The following EBF2 variants were observed in gnomAD, a reference collection of about 807,000 sequenced individuals.
EBF2 encodes transcription factor COE2.
EBF2 carries 21 observed loss-of-function variants against 72.8 expected under a neutral mutation model. The observed-to-expected ratio is 0.29, with a 90% CI of 0.20 to 0.42. The LOEUF (loss-of-function observed/expected upper bound fraction) is 0.42. EBF2 is among the 10% of genes least tolerant of loss of function. The probability of loss-of-function intolerance (pLI) is 1.00; values close to 1 mark genes in which losing one functional copy is unlikely to be tolerated. For synonymous variants in EBF2, 299 were observed against 274.2 expected (o/e 1.09, Z -0.89); for missense variants, 637 against 731.2 (o/e 0.87, Z 1.49).
chr8:25,946,011 G>A (rs953176944), intron 6 of EBF2, among the ~76,000 whole-genome samples: 5 of 152,126 alleles, frequency 3.3e-5, no homozygotes, highest in African/African-American at 4.8e-5. Context: ...TCTGCCTGTC[G>A]GAGCAACAGG....
intron 15 of EBF2, among the ~76,000 whole-genome samples, chr8:25,846,120 A>G (rs1362645598): frequency 1.3e-5 from 2 of 152,230 alleles, no homozygotes; most frequent in African/African-American, 2.4e-5. Flanking sequence ...CTGTATTACT[A>G]TATATTGAAT....
Position 26,044,583 on chromosome 8 carries a change from G to T in EBF2, c.131+146C>A, listed in dbSNP as rs1563218330. On this transcript the variant is annotated intron_variant, in intron 1 of 15. Coordinates refer to ENST00000520164, the MANE Select transcript of EBF2 (RefSeq NM_022659.4). The surrounding 1 kb of genome is among the most constrained non-coding windows in gnomAD (Gnocchi z 4.1). Reference sequence around the variant, plus strand: ...CCTGACTGCAGCGATCTGCTTGCCCGAGGGCGAGCCCCAGCGCGCAGGGCC... The same window carrying T: ...CCTGACTGCAGCGATCTGCTTGCCCTAGGGCGAGCCCCAGCGCGCAGGGCC... 5.7e-6 allele frequency: 7 copies of T among 1,238,670 alleles called. No individual in the cohort carries two copies. The highest frequency in any genetic ancestry group is 7.8e-6 in the Non-Finnish European group (7 of 896,568). The allele number at this position is 1,238,670 out of a possible 1,614,324, so 76.7% of individuals were successfully genotyped here. A position where few individuals can be genotyped will look rare whatever the true frequency, so the allele number is the denominator to read the frequency against.
At chr8:25,973,917 A>T (rs752513747) in intron 6 of EBF2, among the ~76,000 whole-genome samples, 4 of 152,070 alleles carry the variant, frequency 2.6e-5, no homozygotes, top group Admixed American at 6.5e-5. Flanking sequence ...GGAGCAAGCA[A>T]TTCACCCACC....
chr8:26,044,996 A>AT lies in EBF2; in HGVS notation c.-138_-137insA. 3.3e-6 allele frequency: 3 copies of AT among 901,476 alleles called. No homozygotes were observed. Among genetic ancestry groups the AT allele is most frequent in the Non-Finnish European group, 4.9e-6 (3 of 614,884 alleles). The allele number at this position is 901,476 out of a possible 1,614,324, so 55.8% of individuals were successfully genotyped here. Reference sequence around the variant, plus strand: ...GATCAAGTGCCCAAGTTTGAGTCTTAGAAAAAAAAAAAAGATAACCCGTCC... The same window carrying AT: ...GATCAAGTGCCCAAGTTTGAGTCTTATGAAAAAAAAAAAAGATAACCCGTCC... On this transcript the variant is annotated 5_prime_UTR_variant, in exon 1 of 16. Transcript: ENST00000520164. This position sits in a 1 kb window ranked among gnomAD's most constrained non-coding sequence, Gnocchi z 4.1.
At chr8:25,983,023 G>T (rs551290782) in intron 6 of EBF2, among the ~76,000 whole-genome samples, 31 of 152,158 alleles carry the variant, frequency 2.0e-4, no homozygotes, top group African/African-American at 7.5e-4. Flanking sequence ...GCGGTCCAAT[G>T]ACTTTCTACA....
rs1191920515 is a variant in EBF2 at position 25,934,221 on chromosome 8, GCATACACACACACACACACACACACA to G, written c.552-25692_552-25667del. Among the ~76,000 whole-genome samples, 3 of 108,192 alleles carry G rather than the reference GCATACACACACACACACACACACACA, an allele frequency of 2.8e-5. No homozygotes were observed. In the East Asian group the frequency reaches 8.4e-4, roughly 30 times the overall value. 71.0% of individuals were successfully genotyped at this position (108,192 alleles called of 152,430 possible). ...CTGCTGCTTATTGTTGACTTCATGT[GCATACACACACACACACACACACACA>G]CACACACACACACACACACACACAC... is the stretch of plus-strand genomic sequence containing the variant. On this transcript the variant is annotated intron_variant, in intron 6 of 15. Transcript: ENST00000520164.
chr8:25,952,329 C>T (rs12549386), intron 6 of EBF2, among the ~76,000 whole-genome samples: 37,880 of 151,920 alleles, frequency 0.25, 5,822 homozygotes, highest in East Asian at 0.81. Flanking sequence ...TAATTATTTA[C>T]ACATTTTTAT....
chr8:25,846,966 G>C (rs1194863643), intron 15 of EBF2, among the ~76,000 whole-genome samples: 1 of 152,082 alleles, frequency 6.6e-6, no homozygotes, highest in Non-Finnish European at 1.5e-5. Flanking sequence ...GGGGGTAGGG[G>C]GTATAGGGTA....
At chr8:25,872,352 G>A (rs539651594) in intron 10 of EBF2, among the ~76,000 whole-genome samples, 116 of 152,284 alleles carry the variant, frequency 7.6e-4, no homozygotes, top group Middle Eastern at 3.4e-3. Context: ...GCCACTCTGG[G>A]GATGTTGGCG....
intron 6 of EBF2, among the ~76,000 whole-genome samples, chr8:26,001,782 C>T (rs1804730114): frequency 6.6e-6 from 1 of 152,084 alleles, no homozygotes; most frequent in Non-Finnish European, 1.5e-5. Flanking sequence ...CTCCTGACCT[C>T]AAGTGATCTG....
chr8:26,029,908 C>A (rs1179420850), intron 6 of EBF2, among the ~76,000 whole-genome samples: 1 of 152,110 alleles, frequency 6.6e-6, no homozygotes, highest in Non-Finnish European at 1.5e-5. Context: ...TGACTTTATG[C>A]CCTTTTTTTT....
At chr8:26,041,332 T>A (rs1805596138) in intron 2 of EBF2, 2 of 373,992 alleles carry the variant, frequency 5.3e-6, no homozygotes, top group African/African-American at 4.1e-5. Flanking sequence ...TCGGGCTCTG[T>A]CTGTCCTTAG....
At chr8:25,952,128 A>C (rs1436303798) in intron 6 of EBF2, among the ~76,000 whole-genome samples, 1 of 152,098 alleles carries the variant, frequency 6.6e-6, no homozygotes, top group Non-Finnish European at 1.5e-5. Context: ...CCGTGTATCT[A>C]CAAAAAAAAA....
chr8:25,934,324 C>T (rs374678396), intron 6 of EBF2, among the ~76,000 whole-genome samples: 1 of 151,832 alleles, frequency 6.6e-6, no homozygotes. Context: ...GTCAGCAATA[C>T]TTCAGGCCTT....
intron 6 of EBF2, among the ~76,000 whole-genome samples, chr8:26,021,954 G>A (rs1329261997): frequency 6.6e-6 from 1 of 152,210 alleles, no homozygotes; most frequent in Non-Finnish European, 1.5e-5. Flanking sequence ...TCTGAAGTGA[G>A]AGAATACTTT....
intron 6 of EBF2, among the ~76,000 whole-genome samples, chr8:25,909,406 T>TA (rs5890265): frequency 0.14 from 20,334 of 147,292 alleles, 1,490 homozygotes; most frequent in African/African-American, 0.21. Flanking sequence ...TCCTTTCCCT[T>TA]AAAAAAAAAA....
chr8:25,851,626 A>G (rs989283853), intron 14 of EBF2, among the ~76,000 whole-genome samples: 14 of 152,210 alleles, frequency 9.2e-5, no homozygotes, highest in African/African-American at 3.4e-4. Context: ...ACTCTTAAAT[A>G]TAGCACCTTA....
intron 6 of EBF2, among the ~76,000 whole-genome samples, chr8:26,027,214 G>A (rs923434968): frequency 1.3e-5 from 2 of 152,100 alleles, no homozygotes; most frequent in African/African-American, 4.8e-5. Context: ...CCCACAAATC[G>A]CACTTCACTG....
At chr8:25,895,055 T>C (rs935975884) in intron 7 of EBF2, among the ~76,000 whole-genome samples, 2 of 152,208 alleles carry the variant, frequency 1.3e-5, no homozygotes, top group African/African-American at 2.4e-5. Context: ...CAATTAGGAA[T>C]ACAGATGTCC....
Sources: gnomAD v4.1 joint callset for allele counts (sites outside exome capture counted in the v4.1 genomes callset) on GRCh38, gnomAD v4.1.1 for gene constraint, Gnocchi (gnomAD v3.1) non-coding constraint, MANE v1.5 for transcripts, NCBI Gene and HGNC (gene_info 2026-07-23, HGNC 2026-07-21) for gene names.